ARHGEF11: variants seen among roughly 807,000 people sequenced by gnomAD.
ARHGEF11 encodes Rho guanine nucleotide exchange factor 11.
In ARHGEF11, 55 loss-of-function variants were observed where a neutral mutation model predicts 193.7. That is an observed-to-expected ratio of 0.28 (90% confidence interval 0.23 to 0.36). ARHGEF11 has a LOEUF of 0.36. ARHGEF11 is among the 10% of genes least tolerant of loss of function. The probability of loss-of-function intolerance (pLI) is 1.00; values close to 1 mark genes in which losing one functional copy is unlikely to be tolerated. For missense variants in ARHGEF11, 1,723 were observed against 2,005.6 expected (o/e 0.86, Z 2.69); for synonymous variants, 693 against 768.0 (o/e 0.90, Z 1.62).
At position 156,944,047 on chromosome 1, in the gene ARHGEF11, C is replaced by T. The variant is rs1657617259; in HGVS notation, c.3123G>A (p.Glu1041=). 6.2e-7 allele frequency: 1 copy of T among 1,614,046 alleles called. No individual in the cohort carries two copies. The highest frequency in any genetic ancestry group is 8.5e-7 in the Non-Finnish European group (1 of 1,180,030). Residue 1041 remains glutamate (E), a synonymous_variant, in exon 32 of 41, where the codon GAG becomes GAA. Transcript: ENST00000368194. The part of the protein sequence containing the change: ...DLLVLLQKQD[E]KLLLKCHSKT... ...TGCTGTGGCACTTCAGCAATAGCTT[C>T]TCATCCTGTTTCTGTAGCAGCACTA...
chr1:156,936,778 C>G (rs766106427), intron 40 of ARHGEF11, 38 bp downstream of exon 40: 3 of 1,589,628 alleles, frequency 1.9e-6, no homozygotes, highest in South Asian at 1.1e-5. Context: ...GACTTCTCCC[C>G]CAATGGTAGG....
chr1:157,020,655 C>T (rs1005472571), intron 1 of ARHGEF11, among the ~76,000 whole-genome samples: 2 of 152,208 alleles, frequency 1.3e-5, no homozygotes, highest in Admixed American at 1.3e-4. Context: ...TCAGCAAAGA[C>T]AGATAATTTT....
At chr1:157,000,870 C>T (rs1020413689) in intron 1 of ARHGEF11, among the ~76,000 whole-genome samples, 18 of 152,132 alleles carry the variant, frequency 1.2e-4, no homozygotes, top group Admixed American at 9.2e-4. Context: ...AAGTGGGAGG[C>T]GGGCCAGAGC....
At chr1:157,043,280 A>G (rs1672979587) in intron 1 of ARHGEF11, among the ~76,000 whole-genome samples, 1 of 152,204 alleles carries the variant, frequency 6.6e-6, no homozygotes, top group South Asian at 2.1e-4. Flanking sequence ...TTGCTTGTTC[A>G]GTCCTTCAAC....
chr1:156,971,646 C>A, intron 8 of ARHGEF11, 51 bp downstream of exon 8: 1 of 1,576,838 alleles, frequency 6.3e-7, no homozygotes, highest in Non-Finnish European at 8.7e-7. Context: ...CTCACTCTAC[C>A]CCCAGTTCTA....
chr1:157,028,460 A>C (rs1164376483), intron 1 of ARHGEF11, among the ~76,000 whole-genome samples: 1 of 152,228 alleles, frequency 6.6e-6, no homozygotes, highest in Non-Finnish European at 1.5e-5. Context: ...ACCTAGGTTG[A>C]TTCAACATAA....
intron 1 of ARHGEF11, among the ~76,000 whole-genome samples, chr1:157,028,634 G>A (rs1670935263): frequency 6.6e-6 from 1 of 151,958 alleles, no homozygotes; most frequent in East Asian, 1.9e-4. Context: ...GGCCAAGAGA[G>A]GTTAAATGAC....
chr1:156,979,361 C>CA, intron 4 of ARHGEF11, 75 bp from the exon 5 acceptor site: 1 of 506,104 alleles, frequency 2.0e-6, no homozygotes, highest in Non-Finnish European at 3.2e-6. Flanking sequence ...CAAAATGCCA[C>CA]TTTTTTTTTT....
Position 156,947,373 on chromosome 1 carries a change from CCTT to C in ARHGEF11, c.2416_2418del (p.Lys806del). ...AGCTCCTCCCGGGGCATCAGGTTCT[CCTT>C]CTTCATTCGCTGGTAGAAGATCAGG... On this transcript the variant is annotated inframe_deletion, in exon 26 of 41. Transcript: ENST00000368194. The C allele has an allele frequency of 3.1e-6, 5 of 1,614,044 alleles. No individual in the cohort carries two copies. The highest frequency in any genetic ancestry group is 1.1e-5 in the South Asian group (1 of 91,074).
chr1:156,973,877 C>A (rs1470594676), intron 7 of ARHGEF11, among the ~76,000 whole-genome samples: 1 of 152,200 alleles, frequency 6.6e-6, no homozygotes, highest in Non-Finnish European at 1.5e-5. Context: ...TTATCTACTG[C>A]AATAGCCTCC....
intron 33 of ARHGEF11, 114 bp from the exon 34 acceptor site, chr1:156,942,103 G>A: frequency 6.6e-7 from 1 of 1,509,776 alleles, no homozygotes; most frequent in Non-Finnish European, 9.0e-7. Context: ...CCTCTGCCTG[G>A]CAGGTGCCCA....
chr1:156,978,519 T>C lies in ARHGEF11; in HGVS notation c.332-137A>G, dbSNP rs560046128. 4.4e-5 allele frequency: 60 copies of C among 1,360,266 alleles called. No individual in the cohort carries two copies. The African/African-American group carries it at 8.0e-4, about 18-fold the overall frequency. 84.3% of individuals were successfully genotyped at this position (1,360,266 alleles called of 1,614,324 possible). A position where few individuals can be genotyped will look rare whatever the true frequency, so the allele number is the denominator to read the frequency against. On this transcript the variant is annotated intron_variant, in intron 5 of 40. Coordinates refer to ENST00000368194, the MANE Select transcript of ARHGEF11 (RefSeq NM_198236.3). ...TAGATTAAGTTCTCCTCACTTTTAA[T>C]GCCCCACCCATTCTCTAATCCCTGC...
At chr1:157,033,129 A>G (rs1671496732) in intron 1 of ARHGEF11, among the ~76,000 whole-genome samples, 1 of 152,068 alleles carries the variant, frequency 6.6e-6, no homozygotes, top group African/African-American at 2.4e-5. Context: ...CCCAAGCTCC[A>G]GTTGTCTGCT....
At chr1:157,043,213 G>A (rs1313757926) in intron 1 of ARHGEF11, among the ~76,000 whole-genome samples, 3 of 152,146 alleles carry the variant, frequency 2.0e-5, no homozygotes, top group African/African-American at 7.2e-5. Context: ...TTGCTCCCTT[G>A]CAAATATTCT....
At chr1:156,942,998 C>T (rs893902562) in intron 32 of ARHGEF11, among the ~76,000 whole-genome samples, 8 of 152,110 alleles carry the variant, frequency 5.3e-5, no homozygotes, top group Non-Finnish European at 1.0e-4. Flanking sequence ...CCACAGCCAC[C>T]CCCATTCCTC....
intron 11 of ARHGEF11, among the ~76,000 whole-genome samples, chr1:156,967,516 A>C (rs905210464): frequency 6.6e-6 from 1 of 151,814 alleles, no homozygotes; most frequent in Non-Finnish European, 1.5e-5. Context: ...GGCTCCATGG[A>C]AGTGCCCTTG....
chr1:156,941,420 C>A lies in ARHGEF11; in HGVS notation c.3466G>T (p.Asp1156Tyr). The A allele has an allele frequency of 6.2e-7, 1 of 1,613,746 alleles. No individual in the cohort carries two copies. Among genetic ancestry groups the A allele is most frequent in the South Asian group, 1.1e-5 (1 of 91,006 alleles). The change falls in exon 35 of 41, where the codon GAC becomes TAC. Residue 1156 changes from aspartate to tyrosine, a missense_variant. Around this residue, in one of 5 missense-constraint regions of ARHGEF11, gnomAD observed 203 missense variants for 237.3 expected, o/e 0.86. Coordinates refer to ENST00000368194, the MANE Select transcript of ARHGEF11 (RefSeq NM_198236.3). ...GGTTCACCATGGAACACGTCTGAGTCATCCAGTTCTACCCTGAGGAAGGAA... is the reference window on the plus strand; with the variant it reads ...GGTTCACCATGGAACACGTCTGAGTAATCCAGTTCTACCCTGAGGAAGGAA... ...GPTPSRVELD[D>Y]SDVFHGEPEP...
intron 1 of ARHGEF11, among the ~76,000 whole-genome samples, chr1:156,990,316 T>C (rs1186722151): frequency 6.6e-6 from 1 of 152,228 alleles, no homozygotes; most frequent in Non-Finnish European, 1.5e-5. Context: ...TGATGTTGGA[T>C]AGCTTGCCCC....
intron 21 of ARHGEF11, among the ~76,000 whole-genome samples, chr1:156,952,665 A>C (rs1323295709): frequency 6.6e-6 from 1 of 152,266 alleles, no homozygotes; most frequent in Non-Finnish European, 1.5e-5. Context: ...AAAACTTCTA[A>C]GTCAGAGAGA....
Sources: allele counts gnomAD v4.1 joint callset (sites outside exome capture counted in the v4.1 genomes callset), GRCh38; gene constraint gnomAD v4.1.1; regional missense constraint gnomAD v4.1.1; transcripts MANE v1.5; gene names NCBI Gene and HGNC (gene_info 2026-07-23, HGNC 2026-07-21).